ANK3: variants seen among roughly 807,000 people sequenced by gnomAD.
ANK3 encodes ankyrin-3.
In ANK3, 57 loss-of-function variants were observed where a neutral mutation model predicts 370.9. The ratio of observed to expected loss-of-function variants is 0.15; its 90% CI spans 0.12 to 0.19. ANK3 has a LOEUF of 0.19. Ranked by LOEUF, ANK3 falls within the 10% of genes least tolerant of loss-of-function variation. The probability of loss-of-function intolerance (pLI) is 1.00; values close to 1 mark genes in which losing one functional copy is unlikely to be tolerated. For missense variants in ANK3, 4,439 were observed against 5,302.1 expected, an observed-to-expected ratio of 0.84 and a Z score of 5.06; for synonymous variants, 1,929 against 1,946.3, an observed-to-expected ratio of 0.99 and a Z score of 0.23.
intron 2 of ANK3, among the ~76,000 whole-genome samples, chr10:60,406,838 A>C (rs1007736527): frequency 1.3e-5 from 2 of 152,214 alleles, no homozygotes; most frequent in African/African-American, 4.8e-5. Flanking sequence ...GGTAAATTTT[A>C]GTTGTTTTTG....
At chr10:60,292,431 A>G (rs2041612871) in intron 1 of ANK3, among the ~76,000 whole-genome samples, 1 of 151,970 alleles carries the variant, frequency 6.6e-6, no homozygotes, top group Admixed American at 6.6e-5. Context: ...AGCCCTGGAG[A>G]ATTTTTTTTT....
intron 2 of ANK3, among the ~76,000 whole-genome samples, chr10:60,487,731 T>TTTTTTTTTG (rs2075386079): frequency 6.6e-6 from 1 of 151,814 alleles, no homozygotes; most frequent in African/African-American, 2.4e-5. Context: ...TTTTTTTTTT[T>TTTTTTTTTG]GAGACAGAGT....
intron 1 of ANK3, among the ~76,000 whole-genome samples, chr10:60,638,613 T>C (rs965247495): frequency 6.6e-6 from 1 of 152,104 alleles, no homozygotes; most frequent in Non-Finnish European, 1.5e-5. Context: ...TTAACAAAGT[T>C]ATTTAAAATA....
intron 2 of ANK3, among the ~76,000 whole-genome samples, chr10:60,532,668 T>C (rs1392643171): frequency 6.6e-6 from 1 of 152,094 alleles, no homozygotes; most frequent in Non-Finnish European, 1.5e-5. Flanking sequence ...GTGATATGGA[T>C]GATGATCTCT....
intron 23 of ANK3, among the ~76,000 whole-genome samples, chr10:60,155,796 C>T (rs2095311126): frequency 6.6e-6 from 1 of 152,222 alleles, no homozygotes; most frequent in African/African-American, 2.4e-5. Context: ...ATCTTTCTCC[C>T]ATGCTGGATG....
intron 25 of ANK3, among the ~76,000 whole-genome samples, chr10:60,124,678 A>T (rs1190096074): frequency 6.6e-6 from 1 of 152,182 alleles, no homozygotes; most frequent in Non-Finnish European, 1.5e-5. Context: ...CATGGCTAAC[A>T]TGCTTTACTC....
chr10:60,104,511 T>C (rs2091898900), intron 28 of ANK3, among the ~76,000 whole-genome samples: 1 of 152,062 alleles, frequency 6.6e-6, no homozygotes, highest in African/African-American at 2.4e-5. Context: ...TGAACTTCAG[T>C]TTCCTTATAA....
chr10:60,471,169 G>C (rs1199612375), intron 2 of ANK3, among the ~76,000 whole-genome samples: 1 of 152,062 alleles, frequency 6.6e-6, no homozygotes, highest in Non-Finnish European at 1.5e-5. Flanking sequence ...CAATTAGTTT[G>C]AAATTCCAAA....
intron 2 of ANK3, among the ~76,000 whole-genome samples, chr10:60,468,997 G>GTATATATATATATA (rs71015794): frequency 2.6e-4 from 6 of 23,254 alleles, no homozygotes; most frequent in East Asian, 4.1e-3. Flanking sequence ...CTTTTAGTGT[G>GTATATATATATATA]TATATATATA....
At chr10:60,711,543 TA>T (rs1253565799) in intron 1 of ANK3, among the ~76,000 whole-genome samples, 2 of 151,906 alleles carry the variant, frequency 1.3e-5, no homozygotes, top group Non-Finnish European at 2.9e-5. Context: ...GAAAAAAGAA[TA>T]TTTTTTTAAG....
At chr10:60,050,052 T>C (rs2077634456) in intron 42 of ANK3, among the ~76,000 whole-genome samples, 4 of 152,166 alleles carry the variant, frequency 2.6e-5, no homozygotes, top group Admixed American at 1.3e-4. Flanking sequence ...TCTAGACCTT[T>C]CACTTTAAAA....
rs575794540 is a variant in ANK3, at chr10:60,451,548, C to T, written c.96+163638G>A. Among the ~76,000 whole-genome samples, 8 of 152,268 alleles carry T rather than the reference C, an allele frequency of 5.3e-5. No homozygotes were observed. In the South Asian group the frequency reaches 1.0e-3, roughly 20 times the overall value. On this transcript the variant is annotated intron_variant, in intron 2 of 43. Coordinates refer to the ANK3 transcript ENST00000373827. ...GTAGAAGCTACATTAGGCTGCTTCA[C>T]GCTAGGGAGAAGCAAAATGTAAGCT...
intron 2 of ANK3, among the ~76,000 whole-genome samples, chr10:60,460,131 G>GAGCTT (rs745539858): frequency 6.6e-6 from 1 of 152,044 alleles, no homozygotes; most frequent in Non-Finnish European, 1.5e-5. Context: ...CCCTATTCCT[G>GAGCTT]AGCTTAGCTG....
At chr10:60,302,831 A>G (rs2044119770) in intron 1 of ANK3, among the ~76,000 whole-genome samples, 1 of 147,860 alleles carries the variant, frequency 6.8e-6, no homozygotes, top group Non-Finnish European at 1.5e-5. Context: ...CCAAAAAAAC[A>G]AAAACAAACA....
intron 2 of ANK3, among the ~76,000 whole-genome samples, chr10:60,571,978 T>G (rs1038122373): frequency 6.6e-6 from 1 of 152,162 alleles, no homozygotes; most frequent in Non-Finnish European, 1.5e-5. Context: ...AGCCATAAAG[T>G]GATCAATAAT....
intron 2 of ANK3, among the ~76,000 whole-genome samples, chr10:60,554,171 A>G (rs963195901): frequency 3.3e-5 from 5 of 152,264 alleles, no homozygotes; most frequent in African/African-American, 1.2e-4. Flanking sequence ...ATGCATCTTT[A>G]AGTCTGTGTT....
intron 16 of ANK3, among the ~76,000 whole-genome samples, chr10:60,193,485 A>T (rs1465498993): frequency 1.4e-5 from 2 of 144,240 alleles, no homozygotes; most frequent in Non-Finnish European, 3.0e-5. Flanking sequence ...AAGAAACCCC[A>T]TCTCTACTAA....
chr10:60,525,072 C>A (rs749767600), intron 2 of ANK3, among the ~76,000 whole-genome samples: 9 of 151,978 alleles, frequency 5.9e-5, no homozygotes, highest in Non-Finnish European at 1.0e-4. Context: ...ACATTAATTT[C>A]TTTGTAGAAA....
chr10:60,068,109 T>C, intron 37 of ANK3, 100 bp from the exon 38 acceptor site: 1 of 1,008,460 alleles, frequency 9.9e-7, no homozygotes, highest in Non-Finnish European at 1.5e-6. Context: ...AGACTAATGC[T>C]AACACTGTAC....
Sources: gnomAD v4.1 joint callset for allele counts (sites outside exome capture counted in the v4.1 genomes callset) on GRCh38, gnomAD v4.1.1 for gene constraint, MANE v1.5 for transcripts, NCBI Gene and HGNC (gene_info 2026-07-23, HGNC 2026-07-21) for gene names.